Variants in C5orf34 observed in about 807,000 individuals in gnomAD.
C5orf34 encodes chromosome 5 open reading frame 34.
In C5orf34, 73 loss-of-function variants were observed where a neutral mutation model predicts 78.4. That is an observed-to-expected ratio of 0.93 (90% CI 0.77 to 1.13). The LOEUF (loss-of-function observed/expected upper bound fraction) is 1.13. Ranked by LOEUF, C5orf34 falls within the 50% of genes most tolerant of loss-of-function variation. The pLI is 0.00. For synonymous variants in C5orf34, 251 were observed against 246.6 expected, an observed-to-expected ratio of 1.02 and a Z score of -0.17; for missense variants, 730 against 732.7, an observed-to-expected ratio of 1.00 and a Z score of 0.04.
At chr5:43,507,934 C>T (rs1451233643) in intron 3 of C5orf34, among the ~76,000 whole-genome samples, 4 of 151,974 alleles carry the variant, frequency 2.6e-5, no homozygotes, top group East Asian at 1.9e-4. Flanking sequence ...AGAAATTAGC[C>T]GGGTGTGGTG....
intron 5 of C5orf34, 70 bp from the exon 6 acceptor site, chr5:43,502,565 C>A: frequency 3.4e-6 from 3 of 875,134 alleles, no homozygotes; most frequent in Non-Finnish European, 1.8e-6. Context: ...AGATAGTCAT[C>A]AAAAAACAGT....
chr5:43,505,758 G>A lies in C5orf34; in HGVS notation c.922C>T (p.His308Tyr), dbSNP rs753758572. 1.3e-5 allele frequency: 20 copies of A among 1,575,068 alleles called. No homozygotes were observed. In the East Asian group the frequency reaches 4.3e-4, roughly 34 times the overall value. ...RALSLSCPVP[H>Y]LHRWNFCDSL... ...CCATTACTGCATTACCTGTGTAGGTGTGGGACTGGACAGCTGAGTGACAGG... is the reference window on the plus strand; with the variant it reads ...CCATTACTGCATTACCTGTGTAGGTATGGGACTGGACAGCTGAGTGACAGG... The change falls in exon 4 of 13, where the codon CAC (histidine) becomes TAC (tyrosine). Residue 308 changes from histidine (H) to tyrosine (Y), a missense_variant. Physicochemically the swap from His to Tyr is moderately conservative, Grantham distance 83 (BLOSUM62 2). Coordinates refer to ENST00000306862, the MANE Select transcript of C5orf34 (RefSeq NM_198566.4).
In C5orf34 at chr5:43,509,358, T is replaced by TA. The variant is rs1279561635; in HGVS notation, c.-20dup. On this transcript the variant is annotated 5_prime_UTR_variant, in exon 2 of 13. Transcript: ENST00000306862. ...CTGCCATTACAACGGCAGGATAAGA[T>TA]ATCTTCTAAGTCAAAGACTGAATGA... The TA allele has an allele frequency of 2.2e-6, 3 of 1,389,370 alleles. No homozygotes were observed. The highest frequency in any genetic ancestry group is 2.6e-5 in the East Asian group (1 of 38,010). The allele number at this position is 1,389,370 out of a possible 1,614,324, so 86.1% of individuals were successfully genotyped here.
rs777155957 is a variant in C5orf34 at position 43,503,702 on chromosome 5, G to A, written c.991C>T (p.Leu331=). 4 of 1,613,550 alleles carry A rather than the reference G, an allele frequency of 2.5e-6. No individual in the cohort carries two copies. Among genetic ancestry groups the A allele is most frequent in the Non-Finnish European group, 3.4e-6 (4 of 1,179,592 alleles). The part of the protein sequence containing the change: ...RQSDEYSYPE[L]VKMVWYKGVT... ...CCTTTGTACCAAACCATTTTCACTA[G>A]TTCAGGATAGGAATATTCATCAGAT... is the stretch of plus-strand genomic sequence containing the variant. Residue 331 remains leucine (L), a synonymous_variant, in exon 5 of 13, where the codon CTA becomes TTA. Coordinates refer to ENST00000306862, the MANE Select transcript of C5orf34 (RefSeq NM_198566.4).
chr5:43,496,209 G>A (rs1352313054), intron 6 of C5orf34: 42 of 1,561,660 alleles, frequency 2.7e-5, no homozygotes, highest in Non-Finnish European at 2.9e-5. Flanking sequence ...AGTACTTGCT[G>A]GTCTCAAATT....
chr5:43,509,092 A>G, intron 2 of C5orf34, 53 bp downstream of exon 2: 1 of 1,446,794 alleles, frequency 6.9e-7, no homozygotes, highest in Admixed American at 1.8e-5. Flanking sequence ...GTGACAGAGC[A>G]AGAACCTGTC....
Position 43,492,706 on chromosome 5 carries a change from T to G in C5orf34, c.1485+14A>C. ...TACCAATAAAAAATAGATCTAAGTC[T>G]GAAGTATACCCACCTGTCTCTTCTC... On this transcript the variant is annotated intron_variant, in intron 9 of 12. Coordinates refer to ENST00000306862, the MANE Select transcript of C5orf34 (RefSeq NM_198566.4). 1 of 1,599,572 alleles carries G rather than the reference T, an allele frequency of 6.3e-7. No homozygotes were observed. The highest frequency in any genetic ancestry group is 2.2e-5 in the East Asian group (1 of 44,652).
intron 6 of C5orf34, among the ~76,000 whole-genome samples, chr5:43,501,954 C>G (rs1745776565): frequency 6.6e-6 from 1 of 152,132 alleles, no homozygotes; most frequent in African/African-American, 2.4e-5. Flanking sequence ...CAATCTTATT[C>G]AACTGTCTAG....
At chr5:43,491,456 A>T (rs1365810158) in intron 10 of C5orf34, among the ~76,000 whole-genome samples, 1 of 152,230 alleles carries the variant, frequency 6.6e-6, no homozygotes, top group Non-Finnish European at 1.5e-5. Context: ...AATAAATTAG[A>T]TAAACCAAAA....
chr5:43,510,091 C>G lies in C5orf34; in HGVS notation c.-36-716G>C, dbSNP rs116169936. Among the ~76,000 whole-genome samples the G allele has an allele frequency of 9.9e-3, 1,510 of 152,264 alleles. 27 individuals carry two copies. The highest frequency in any genetic ancestry group is 0.035 in the African/African-American group (1,465 of 41,534). The stretch of plus-strand genomic sequence containing the variant: ...TTTCTATAAATTATATGCTCATTAT[C>G]TCATTTTAAATTTCAAATAATAAGC... On this transcript the variant is annotated intron_variant, in intron 1 of 12. Transcript: ENST00000306862.
At chr5:43,494,076 A>G (rs1257413506) in intron 7 of C5orf34, among the ~76,000 whole-genome samples, 1 of 152,210 alleles carries the variant, frequency 6.6e-6, no homozygotes, top group Non-Finnish European at 1.5e-5. Context: ...ATAGATTGAG[A>G]GAATTTTAAA....
At chr5:43,492,679 A>T in intron 9 of C5orf34, 41 bp downstream of exon 9, 1 of 1,518,822 alleles carries the variant, frequency 6.6e-7, no homozygotes, top group Non-Finnish European at 9.0e-7. Context: ...TTTTCCACAG[A>T]TTACCAATAA....
intron 4 of C5orf34, 125 bp downstream of exon 4, chr5:43,505,623 G>A (rs1430574301): frequency 9.7e-7 from 1 of 1,034,584 alleles, no homozygotes; most frequent in South Asian, 2.0e-5. Context: ...TTTACTATCA[G>A]TTAAAAGCAA....
rs760559892 is a variant in C5orf34, at chr5:43,493,620, C to T, written c.1245-8G>A. 1 of 1,536,312 alleles carries T rather than the reference C, an allele frequency of 6.5e-7. No individual in the cohort carries two copies. The highest frequency in any genetic ancestry group is 1.2e-5 in the South Asian group (1 of 82,986). ...ACACAATGTTGAAGAATTCTGTGAA[C>T]ACAAAAAATACTACTTAAACATTTG... On this transcript the variant is annotated splice_polypyrimidine_tract_variant and splice_region_variant and intron_variant, in intron 7 of 12. Transcript: ENST00000306862.
chr5:43,511,300 G>A (rs1239791521), intron 1 of C5orf34: 2 of 165,686 alleles, frequency 1.2e-5, no homozygotes, highest in Non-Finnish European at 2.6e-5. Context: ...GCCCTGTCTG[G>A]TTAGTGAGGA....
intron 10 of C5orf34, among the ~76,000 whole-genome samples, chr5:43,491,092 AAGAC>A (rs1454111656): frequency 6.6e-6 from 1 of 152,220 alleles, no homozygotes; most frequent in Non-Finnish European, 1.5e-5. Flanking sequence ...CACACAAAAT[AAGAC>A]TGACTGAGCA....
At position 43,486,885 on chromosome 5, in the gene C5orf34, T is replaced by A. The variant is rs772519443; in HGVS notation, c.*30A>T. 4 of 1,358,110 alleles carry A rather than the reference T, an allele frequency of 2.9e-6. No individual in the cohort carries two copies. Among genetic ancestry groups the A allele is most frequent in the Non-Finnish European group, 3.9e-6 (4 of 1,019,748 alleles). The allele number at this position is 1,358,110 out of a possible 1,614,324, so 84.1% of individuals were successfully genotyped here. A position where few individuals can be genotyped will look rare whatever the true frequency, so the allele number is the denominator to read the frequency against. On this transcript the variant is annotated 3_prime_UTR_variant, in exon 13 of 13. Coordinates refer to ENST00000306862, the MANE Select transcript of C5orf34 (RefSeq NM_198566.4). The stretch of plus-strand genomic sequence containing the variant: ...GTCACTTGAAACAACATCCTTAAAC[T>A]TTAATAATATGTTGTAATAATTCCA...
rs183532876 is a variant in C5orf34 at position 43,511,731 on chromosome 5, C to T, written c.-36-2356G>A. ...ATGCTGTTGATCTATGACCTTACCC[C>T]CAACCCTGTGCTCTCTGAAACATGT... is the stretch of plus-strand genomic sequence containing the variant. On this transcript the variant is annotated intron_variant, in intron 1 of 12. Coordinates refer to ENST00000306862, the MANE Select transcript of C5orf34 (RefSeq NM_198566.4). Among the ~76,000 whole-genome samples, 40 of 152,222 alleles carry T rather than the reference C, an allele frequency of 2.6e-4. No homozygotes were observed. The East Asian group carries it at 7.7e-3, about 29-fold the overall frequency.
intron 9 of C5orf34, 147 bp downstream of exon 9, chr5:43,492,572 TG>T (rs1409428702): frequency 1.4e-6 from 1 of 710,802 alleles, no homozygotes; most frequent in Non-Finnish European, 2.3e-6. Flanking sequence ...TTCTGATTTT[TG>T]CTAGGAAATC....
Sources: gnomAD v4.1 joint callset for allele counts (sites outside exome capture counted in the v4.1 genomes callset) on GRCh38, gnomAD v4.1.1 for gene constraint, MANE v1.5 for transcripts, NCBI Gene and HGNC (gene_info 2026-07-23, HGNC 2026-07-21) for gene names.